The following KLF8 variants were observed in gnomAD, a reference collection of about 807,000 sequenced individuals.
The protein encoded by KLF8 is Krueppel-like factor 8.
In KLF8, 10 loss-of-function variants were observed where a neutral mutation model predicts 18.2. The ratio of observed to expected loss-of-function variants is 0.55; its 90% CI spans 0.34 to 0.93. The LOEUF (loss-of-function observed/expected upper bound fraction) is 0.93. Ranked by LOEUF, KLF8 falls within the 40% of genes least tolerant of loss-of-function variation. The pLI is 0.02. For synonymous variants in KLF8, 109 were observed against 97.3 expected (o/e 1.12, Z -0.71); for missense variants, 264 against 277.9 (o/e 0.95, Z 0.36).
chrX:56,257,044 T>A (rs757470263), intron 2 of KLF8, among the ~76,000 whole-genome samples: 1 of 112,053 alleles, frequency 8.9e-6, no homozygotes, highest in Admixed American at 9.4e-5. Flanking sequence ...TAAAGTTTAA[T>A]AATATTATTA....
the KLF8 span, among the ~76,000 whole-genome samples, chrX:55,941,260 G>T: frequency 8.9e-6 from 1 of 112,136 alleles, no homozygotes; most frequent in African/African-American, 3.2e-5. Flanking sequence ...ACAAAAACAA[G>T]TAATGGGGAA....
the KLF8 span, among the ~76,000 whole-genome samples, chrX:55,974,275 G>T: frequency 9.0e-6 from 1 of 111,130 alleles, no homozygotes; most frequent in South Asian, 3.8e-4. Flanking sequence ...ACAGTGACAT[G>T]CTATTTACTC....
chrX:56,039,857 A>G, the KLF8 span, among the ~76,000 whole-genome samples: 1 of 111,886 alleles, frequency 8.9e-6, no homozygotes, highest in Non-Finnish European at 1.9e-5. Flanking sequence ...TTTCTTATCC[A>G]TGAGCATGGA....
chrX:56,024,643 G>A, the KLF8 span, among the ~76,000 whole-genome samples: 4 of 112,049 alleles, frequency 3.6e-5, no homozygotes, highest in East Asian at 5.6e-4. Context: ...ATGATTGATC[G>A]AGCAATCTAG....
chrX:55,991,548 C>T, the KLF8 span, among the ~76,000 whole-genome samples: 106 of 111,554 alleles, frequency 9.5e-4, no homozygotes, highest in Non-Finnish European at 1.5e-3. Flanking sequence ...GAGATGAAGC[C>T]GGTACCTCAG....
the KLF8 span, among the ~76,000 whole-genome samples, chrX:56,071,457 A>G: frequency 7.2e-5 from 8 of 111,763 alleles, no homozygotes; most frequent in Admixed American, 7.6e-4. Flanking sequence ...ATCAAAATGT[A>G]ATTATAGACA....
the KLF8 span, among the ~76,000 whole-genome samples, chrX:55,940,306 G>A: frequency 8.6e-4 from 96 of 111,612 alleles, no homozygotes; most frequent in African/African-American, 2.9e-3. Flanking sequence ...ATGCAGAAAA[G>A]GCCTTTGATA....
chrX:56,049,252 C>T, the KLF8 span, among the ~76,000 whole-genome samples: 1 of 111,154 alleles, frequency 9.0e-6, no homozygotes, highest in Admixed American at 9.6e-5. Context: ...ACTGAATGCC[C>T]TTTATTGCCT....
the KLF8 span, among the ~76,000 whole-genome samples, chrX:55,945,534 A>C: frequency 1.8e-5 from 2 of 111,228 alleles, no homozygotes. Flanking sequence ...CCAATATCAT[A>C]CTGAATGGGC....
At chrX:56,201,844 C>A in the KLF8 span, among the ~76,000 whole-genome samples, 2 of 111,267 alleles carry the variant, frequency 1.8e-5, no homozygotes, top group Non-Finnish European at 3.8e-5. Context: ...TATGGCTGGC[C>A]CTAAGTCAGT....
the KLF8 span, among the ~76,000 whole-genome samples, chrX:56,083,691 T>C: frequency 8.9e-6 from 1 of 111,987 alleles, no homozygotes; most frequent in Non-Finnish European, 1.9e-5. Flanking sequence ...GCCATACAGC[T>C]GGAGGTGAGT....
the KLF8 span, among the ~76,000 whole-genome samples, chrX:56,204,382 T>C: frequency 1.8e-5 from 2 of 111,849 alleles, no homozygotes; most frequent in South Asian, 3.7e-4. Context: ...ATAATTTGAT[T>C]TCTTCCCTTC....
In KLF8 at chrX:56,291,439, A is replaced by G. The variant is rs2067321549; in HGVS notation, c.*6945A>G. 2.7e-5 allele frequency among the ~76,000 whole-genome samples: 3 copies of G among 111,937 alleles called. No individual in the cohort carries two copies. In the East Asian group the frequency reaches 8.5e-4, roughly 32 times the overall value. On this transcript the variant is annotated 3_prime_UTR_variant, in exon 6 of 6. Transcript: ENST00000468660. ...TACTTCAGAGACCCTCCACTATGGC[A>G]TCCATGCAGGGTGTGTGCTTGGGGA...
At chrX:56,189,230 C>G in the KLF8 span, among the ~76,000 whole-genome samples, 2 of 111,593 alleles carry the variant, frequency 1.8e-5, no homozygotes, top group African/African-American at 6.5e-5. Flanking sequence ...AGACACTTCT[C>G]AAAAAAAGAC....
the KLF8 span, among the ~76,000 whole-genome samples, chrX:56,028,540 C>T: frequency 9.0e-6 from 1 of 111,469 alleles, no homozygotes; most frequent in Non-Finnish European, 1.9e-5. Context: ...GGCATCCATC[C>T]CTTTTGCACA....
At chrX:56,189,001 A>G in the KLF8 span, among the ~76,000 whole-genome samples, 2 of 111,956 alleles carry the variant, frequency 1.8e-5, no homozygotes, top group Non-Finnish European at 3.8e-5. Flanking sequence ...AATGGCAACA[A>G]AAGCAAAAAT....
At chrX:55,981,611 G>A in the KLF8 span, among the ~76,000 whole-genome samples, 4 of 111,934 alleles carry the variant, frequency 3.6e-5, no homozygotes, top group African/African-American at 1.3e-4. Flanking sequence ...TTCTAGTAAG[G>A]TAAACAAGGA....
the KLF8 span, among the ~76,000 whole-genome samples, chrX:56,136,682 A>G: frequency 9.0e-6 from 1 of 111,727 alleles, no homozygotes; most frequent in South Asian, 3.8e-4. Context: ...ACCATACAGG[A>G]CATAGGCATG....
the KLF8 span, among the ~76,000 whole-genome samples, chrX:56,200,937 A>G: frequency 8.9e-6 from 1 of 111,863 alleles, no homozygotes; most frequent in Non-Finnish European, 1.9e-5. Flanking sequence ...AAGTGTTAGG[A>G]TGGCCATTAC....
Sources: gnomAD v4.1 joint callset for allele counts (sites outside exome capture counted in the v4.1 genomes callset) on GRCh38, gnomAD v4.1.1 for gene constraint, MANE v1.5 for transcripts, NCBI Gene and HGNC (gene_info 2026-07-23, HGNC 2026-07-21) for gene names.